DNAH6: variants seen among roughly 807,000 people sequenced by gnomAD.
The protein encoded by DNAH6 is axonemal beta dynein heavy chain 6.
A neutral mutation model predicts 491.4 loss-of-function variants in DNAH6; 340 were observed. The ratio of observed to expected loss-of-function variants is 0.69; its 90% CI spans 0.63 to 0.76. The LOEUF (loss-of-function observed/expected upper bound fraction) is 0.76. Ranked by LOEUF, DNAH6 falls within the 30% of genes least tolerant of loss-of-function variation. The pLI, the probability that DNAH6 is intolerant of heterozygous loss-of-function variation, is 0.00. For synonymous variants in DNAH6, 1,603 were observed against 1,686.1 expected (o/e 0.95, Z 1.21); for missense variants, 4,443 against 4,972.2 (o/e 0.89, Z 3.20).
At chr2:84,526,228 GA>G (rs201035828) in intron 3 of DNAH6, among the ~76,000 whole-genome samples, 47 of 148,756 alleles carry the variant, frequency 3.2e-4, no homozygotes, top group African/African-American at 1.1e-3. Flanking sequence ...GATAACTGAA[GA>G]AAAAAAAACA....
chr2:84,610,148 G>T (rs1195251383), intron 21 of DNAH6, among the ~76,000 whole-genome samples: 14 of 152,082 alleles, frequency 9.2e-5, no homozygotes, highest in Admixed American at 9.2e-4. Flanking sequence ...CTTGGGCTAA[G>T]GGCTTCAATC....
intron 4 of DNAH6, among the ~76,000 whole-genome samples, chr2:84,540,473 A>G (rs573928448): frequency 1.3e-5 from 2 of 152,330 alleles, no homozygotes; most frequent in Non-Finnish European, 2.9e-5. Context: ...TGCAGTGTAT[A>G]ACAGATTGAA....
chr2:84,806,415 C>G (rs541510665), intron 71 of DNAH6, among the ~76,000 whole-genome samples: 8 of 152,204 alleles, frequency 5.3e-5, no homozygotes, highest in Middle Eastern at 3.4e-3. Flanking sequence ...GTCAGGAGAT[C>G]AAGACTATCC....
chr2:84,685,089 G>A lies in DNAH6; in HGVS notation c.6917-237G>A, dbSNP rs553986233. Among the ~76,000 whole-genome samples the A allele has an allele frequency of 9.2e-5, 14 of 152,222 alleles. No homozygotes were observed. In the South Asian group the frequency reaches 2.5e-3, roughly 27 times the overall value. On this transcript the variant is annotated intron_variant, in intron 42 of 76. Transcript: ENST00000389394. The stretch of plus-strand genomic sequence containing the variant: ...ATTGTGAAGTCTGACCACTTCACAT[G>A]CTCGGTTAAAGAAACATCACAAAAC...
At chr2:84,569,587 G>A (rs1404503272) in intron 11 of DNAH6, among the ~76,000 whole-genome samples, 1 of 152,114 alleles carries the variant, frequency 6.6e-6, no homozygotes, top group Non-Finnish European at 1.5e-5. Context: ...ATGGATGGGG[G>A]AAAATAACTA....
At chr2:84,740,792 C>T (rs1216462968) in intron 62 of DNAH6, among the ~76,000 whole-genome samples, 2 of 152,184 alleles carry the variant, frequency 1.3e-5, no homozygotes, top group Non-Finnish European at 2.9e-5. Context: ...CTGGGAAAAA[C>T]CTCAGCTTCA....
At chr2:84,718,070 G>A in intron 58 of DNAH6, 134 bp from the exon 59 acceptor site, 1 of 656,604 alleles carries the variant, frequency 1.5e-6, no homozygotes, top group Non-Finnish European at 2.5e-6. Flanking sequence ...TGTGCATTCA[G>A]ATATGGCCAT....
chr2:84,525,702 G>C lies in DNAH6; in HGVS notation c.363G>C (p.Gln121His). ...AAAGTTTTGCCACATCATCTACTCA[G>C]TTTCTTGAGCATCAAGATGCTGTGA... ...AKKSFATSST[Q>H]FLEHQDAVKK... Residue 121 changes from glutamine (Q) to histidine (H), a missense_variant, in exon 3 of 77, where the codon CAG becomes CAC. By Grantham distance (24) the Gln-to-His change is conservative. Coordinates refer to ENST00000389394, the MANE Select transcript of DNAH6 (RefSeq NM_001370.2). 6.5e-7 allele frequency: 1 copy of C among 1,547,948 alleles called. No homozygotes were observed. Among genetic ancestry groups the C allele is most frequent in the Non-Finnish European group, 8.7e-7 (1 of 1,145,616 alleles).
At chr2:84,650,693 C>G (rs1434106980) in intron 33 of DNAH6, among the ~76,000 whole-genome samples, 1 of 152,098 alleles carries the variant, frequency 6.6e-6, no homozygotes, top group African/African-American at 2.4e-5. Flanking sequence ...TCAAGGCCAG[C>G]CTGGGCAGTA....
chr2:84,715,592 T>C lies in DNAH6; in HGVS notation c.9576T>C (p.Thr3192=), dbSNP rs376401136. 1 of 1,551,470 alleles carries C rather than the reference T, an allele frequency of 6.4e-7. No individual in the cohort carries two copies. The highest frequency in any genetic ancestry group is 2.0e-5 in the Admixed American group (1 of 50,980). ...TTAAAGTTACCATTATCAATTTCAC[T>C]GTAACAAAATCAGGCCTGGAGGATC... ...VCIKVTIINF[T]VTKSGLEDQL... The change falls in exon 58 of 77, where the codon ACT becomes ACC. Residue 3192 remains threonine (T), a synonymous_variant. Coordinates refer to ENST00000389394, the MANE Select transcript of DNAH6 (RefSeq NM_001370.2).
chr2:84,819,280 C>CT, intron 76 of DNAH6, 25 bp from the exon 77 acceptor site: 4 of 1,487,648 alleles, frequency 2.7e-6, no homozygotes, highest in Non-Finnish European at 3.7e-6. Flanking sequence ...AAGTAACAAC[C>CT]TTTTTTTCCT....
chr2:84,781,602 G>A lies in DNAH6; in HGVS notation c.10813G>A (p.Val3605Ile). 1 of 1,551,892 alleles carries A rather than the reference G, an allele frequency of 6.4e-7. No homozygotes were observed. Among genetic ancestry groups the A allele is most frequent in the Non-Finnish European group, 8.7e-7 (1 of 1,146,970 alleles). The change falls in exon 65 of 77, where the codon GTT becomes ATT. Residue 3605 changes from valine to isoleucine, a missense_variant. By Grantham distance (29) the Val-to-Ile change is conservative. Around this residue, in one of 3 missense-constraint regions of DNAH6, gnomAD observed 1,463 missense variants for 1,656.6 expected, o/e 0.88. Transcript: ENST00000389394. ...ATTTTTGCAAAATTGCCATCTTGCT[G>A]TTTCTTGGATGTTGGCAATGGAAGA... Reference protein sequence around the residue: ...WVFLQNCHLAVSWMLAMEELI... With the variant: ...WVFLQNCHLAISWMLAMEELI...
chr2:84,667,873 A>G (rs192117375), intron 37 of DNAH6, among the ~76,000 whole-genome samples: 88 of 152,354 alleles, frequency 5.8e-4, no homozygotes, highest in African/African-American at 1.9e-3. Flanking sequence ...GATTAAGAAA[A>G]TGTGGCACAT....
At chr2:84,488,555 G>A in the DNAH6 span, among the ~76,000 whole-genome samples, 22 of 151,896 alleles carry the variant, frequency 1.4e-4, no homozygotes, top group Non-Finnish European at 2.5e-4. Context: ...GCTCCTGGCC[G>A]CTTCTTTCAG....
Position 84,703,438 on chromosome 2 carries a change from C to A in DNAH6, c.8105C>A (p.Thr2702Lys). ...AATGGTCTCACCAAGCTACTAGAAA[C>A]AAACATACTAGTAGATAAAATGAAA... Reference protein sequence around the residue: ...VKNGLTKLLETNILVDKMKLD... With the variant: ...VKNGLTKLLEKNILVDKMKLD... The change falls in exon 50 of 77, where the codon ACA becomes AAA. Residue 2702 changes from threonine (T) to lysine (K), a missense_variant. By Grantham distance (78) the Thr-to-Lys change is moderately conservative. This residue lies in a region of DNAH6 where 2,977 missense variants were observed against 3,296.6 expected (regional missense o/e 0.90). Coordinates refer to ENST00000389394, the MANE Select transcript of DNAH6 (RefSeq NM_001370.2). 6.5e-7 allele frequency: 1 copy of A among 1,546,400 alleles called. No individual in the cohort carries two copies.
chr2:84,647,480 A>C (rs1422769732), intron 33 of DNAH6, among the ~76,000 whole-genome samples: 2 of 152,124 alleles, frequency 1.3e-5, no homozygotes, highest in African/African-American at 2.4e-5. Flanking sequence ...GGCCAGGCTG[A>C]CTCTAGTTAG....
intron 68 of DNAH6, among the ~76,000 whole-genome samples, chr2:84,792,015 C>T (rs906151789): frequency 3.3e-5 from 5 of 152,004 alleles, no homozygotes; most frequent in Admixed American, 6.6e-5. Context: ...CAGAGAGTAT[C>T]GTATATACAT....
chr2:84,460,423 A>C, the DNAH6 span, among the ~76,000 whole-genome samples: 3 of 152,238 alleles, frequency 2.0e-5, no homozygotes, highest in Non-Finnish European at 4.4e-5. Flanking sequence ...TGGCAAATAA[A>C]TAGAAAATCC....
chr2:84,661,102 T>G (rs974648598), intron 37 of DNAH6, among the ~76,000 whole-genome samples: 2 of 152,244 alleles, frequency 1.3e-5, no homozygotes, highest in African/African-American at 4.8e-5. Flanking sequence ...CTTGCTGCCT[T>G]TGGATAACCC....
Sources: allele counts gnomAD v4.1 joint callset (sites outside exome capture counted in the v4.1 genomes callset), GRCh38; gene constraint gnomAD v4.1.1; regional missense constraint gnomAD v4.1.1; transcripts MANE v1.5; gene names NCBI Gene and HGNC (gene_info 2026-07-23, HGNC 2026-07-21).